Variants in ELMO1 observed in about 807,000 individuals in gnomAD.
ELMO1 encodes engulfment and cell motility protein 1.
In ELMO1, 26 loss-of-function variants were observed where a neutral mutation model predicts 98.9. The observed-to-expected ratio is 0.26, with a 90% CI of 0.19 to 0.36. The LOEUF (loss-of-function observed/expected upper bound fraction) is 0.36. ELMO1 is among the 10% of genes least tolerant of loss of function. The pLI is 1.00. For missense variants in ELMO1, 627 were observed against 935.2 expected, an observed-to-expected ratio of 0.67 and a Z score of 4.30; for synonymous variants, 346 against 346.0, an observed-to-expected ratio of 1.00 and a Z score of 0.00.
At chr7:36,977,327 C>A (rs1291295865) in intron 16 of ELMO1, among the ~76,000 whole-genome samples, 1 of 152,182 alleles carries the variant, frequency 6.6e-6, no homozygotes, top group East Asian at 1.9e-4. Context: ...GAGAGTACAG[C>A]TCTTAAAACC....
rs189512110 is a variant in ELMO1 at position 37,443,460 on chromosome 7, T to C, written c.-74+5215A>G. 2.0e-5 allele frequency among the ~76,000 whole-genome samples: 3 copies of C among 152,376 alleles called. No homozygotes were observed. In the East Asian group the frequency reaches 5.8e-4, roughly 29 times the overall value. Reference sequence around the variant, plus strand: ...CTCGACTCAGCACTATGCCAGTTTGTTACTGTAGTTAATTCTGTTTGATGA... The same window carrying C: ...CTCGACTCAGCACTATGCCAGTTTGCTACTGTAGTTAATTCTGTTTGATGA... On this transcript the variant is annotated intron_variant, in intron 1 of 21. Transcript: ENST00000310758.
chr7:37,389,666 G>A (rs1167782633), intron 1 of ELMO1, among the ~76,000 whole-genome samples: 1 of 152,102 alleles, frequency 6.6e-6, no homozygotes, highest in Non-Finnish European at 1.5e-5. Context: ...CAGGTAGTAG[G>A]GAGACACAGG....
At chr7:37,022,825 A>G (rs942773521) in intron 15 of ELMO1, among the ~76,000 whole-genome samples, 2 of 152,242 alleles carry the variant, frequency 1.3e-5, no homozygotes, top group Admixed American at 1.3e-4. Context: ...ACTTGAAACA[A>G]TCTAAATGTC....
chr7:37,005,107 CAAAA>C (rs35665315), intron 16 of ELMO1, among the ~76,000 whole-genome samples: 5,027 of 37,422 alleles, frequency 0.13, 116 homozygotes, highest in African/African-American at 0.3. Context: ...GGCTCTGTCT[CAAAA>C]AAAAAAAAAA....
At chr7:37,273,666 G>A (rs1254114491) in intron 4 of ELMO1, among the ~76,000 whole-genome samples, 1 of 152,148 alleles carries the variant, frequency 6.6e-6, no homozygotes, top group East Asian at 1.9e-4. Flanking sequence ...TCCAGGAGGA[G>A]GCCTTCCAGG....
rs566505535 is a variant in ELMO1, at chr7:37,171,653, C to T, written c.1087-38419G>A. The stretch of plus-strand genomic sequence containing the variant: ...GTCTACAGGCGCCCACCACCATGCC[C>T]AGCTAATTTTTTGTATTTTTAGTGG... On this transcript the variant is annotated intron_variant, in intron 13 of 21. Transcript: ENST00000310758. 3.9e-5 allele frequency among the ~76,000 whole-genome samples: 6 copies of T among 152,030 alleles called. 1 individual carries two copies. Among genetic ancestry groups the T allele is most frequent in the Admixed American group, 1.3e-4 (2 of 15,266 alleles).
intron 15 of ELMO1, among the ~76,000 whole-genome samples, chr7:37,052,717 T>G (rs1042117525): frequency 2.0e-5 from 3 of 152,218 alleles, no homozygotes; most frequent in Non-Finnish European, 2.9e-5. Flanking sequence ...GTAGTCACGG[T>G]ACCAGCTGGA....
At chr7:37,278,221 C>A (rs1453980829) in intron 4 of ELMO1, among the ~76,000 whole-genome samples, 1 of 138,820 alleles carries the variant, frequency 7.2e-6, no homozygotes, top group African/African-American at 2.7e-5. Flanking sequence ...TATGCGAATA[C>A]TAATCTAGAT....
At chr7:37,314,211 C>A (rs1354257036) in intron 4 of ELMO1, among the ~76,000 whole-genome samples, 1 of 152,140 alleles carries the variant, frequency 6.6e-6, no homozygotes, top group Non-Finnish European at 1.5e-5. Flanking sequence ...AGGAAGAAAT[C>A]CTAAACAGAT....
chr7:37,279,331 C>A (rs561453743), intron 4 of ELMO1, among the ~76,000 whole-genome samples: 10 of 152,272 alleles, frequency 6.6e-5, no homozygotes, highest in Non-Finnish European at 1.3e-4. Flanking sequence ...ATCATCATGG[C>A]GGACGGGAGG....
intron 14 of ELMO1, among the ~76,000 whole-genome samples, chr7:37,109,115 C>A (rs1785096445): frequency 6.6e-6 from 1 of 152,128 alleles, no homozygotes; most frequent in Admixed American, 6.5e-5. Context: ...ACAGAGAATA[C>A]AAGCTGGGGG....
Position 36,867,630 on chromosome 7 carries a change from G to A in ELMO1, c.1905+2763C>T, listed in dbSNP as rs181334178. Among the ~76,000 whole-genome samples, 8 of 152,102 alleles carry A rather than the reference G, an allele frequency of 5.3e-5. No individual in the cohort carries two copies. The East Asian group carries it at 1.2e-3, about 22-fold the overall frequency. On this transcript the variant is annotated intron_variant, in intron 20 of 21. Transcript: ENST00000310758. ...TTTTCGTTCTTTCTTCTTTTCTAAT[G>A]TAGTCATTCAATGCTATAAATTTCC...
At chr7:37,065,963 C>A (rs1204957130) in intron 15 of ELMO1, among the ~76,000 whole-genome samples, 1 of 152,138 alleles carries the variant, frequency 6.6e-6, no homozygotes, top group Non-Finnish European at 1.5e-5. Context: ...CATGGGGCAG[C>A]TGCCCTCATA....
intron 14 of ELMO1, among the ~76,000 whole-genome samples, chr7:37,130,972 T>A (rs541120431): frequency 2.0e-5 from 3 of 152,288 alleles, no homozygotes; most frequent in African/African-American, 7.2e-5. Context: ...ATTGAGCCCA[T>A]CTTTATGTTT....
At chr7:37,215,783 C>CCCAGTGGCA (rs1793244734) in intron 11 of ELMO1, among the ~76,000 whole-genome samples, 1 of 152,232 alleles carries the variant, frequency 6.6e-6, no homozygotes, top group East Asian at 1.9e-4. Flanking sequence ...CCGACAATCC[C>CCCAGTGGCA]CCAGTGGCAC....
chr7:37,295,395 T>C (rs915090991), intron 4 of ELMO1, among the ~76,000 whole-genome samples: 8 of 152,210 alleles, frequency 5.3e-5, no homozygotes, highest in African/African-American at 1.9e-4. Context: ...TATTGTATGA[T>C]TTAAAAGTTT....
intron 1 of ELMO1, among the ~76,000 whole-genome samples, chr7:37,429,019 G>GGTT (rs67631888): frequency 0.023 from 3,405 of 151,192 alleles, 61 homozygotes; most frequent in Admixed American, 0.061. Context: ...ACGTACTGCA[G>GGTT]GTTGTTGTTG....
intron 13 of ELMO1, among the ~76,000 whole-genome samples, chr7:37,160,652 AATC>A (rs1789136608): frequency 6.6e-6 from 1 of 152,134 alleles, no homozygotes; most frequent in Admixed American, 6.6e-5. Context: ...AGCTCAAAAG[AATC>A]ATAAGTAGCC....
intron 15 of ELMO1, among the ~76,000 whole-genome samples, chr7:37,063,468 T>G (rs749312292): frequency 5.3e-5 from 8 of 152,168 alleles, no homozygotes; most frequent in Non-Finnish European, 8.8e-5. Context: ...AATTATAAGA[T>G]AGGCATATGC....
Sources: gnomAD v4.1 joint callset for allele counts (sites outside exome capture counted in the v4.1 genomes callset) on GRCh38, gnomAD v4.1.1 for gene constraint, MANE v1.5 for transcripts, NCBI Gene and HGNC (gene_info 2026-07-23, HGNC 2026-07-21) for gene names.